BCAS3: variants seen among roughly 807,000 people sequenced by gnomAD.
BCAS3 encodes BCAS4/BCAS3 fusion.
BCAS3 carries 53 observed loss-of-function variants against 116.1 expected under a neutral mutation model. The ratio of observed to expected loss-of-function variants is 0.46; its 90% CI spans 0.37 to 0.57. The LOEUF is 0.57. BCAS3 is among the 20% of genes least tolerant of loss of function. The pLI is 0.00. For missense variants in BCAS3, 917 were observed against 1,165.4 expected (o/e 0.79, Z 3.10); for synonymous variants, 391 against 408.2 (o/e 0.96, Z 0.51).
chr17:60,744,597 A>T (rs1226031946), intron 5 of BCAS3, among the ~76,000 whole-genome samples: 1 of 152,152 alleles, frequency 6.6e-6, no homozygotes, highest in Non-Finnish European at 1.5e-5. Context: ...CTCACATAGG[A>T]TAGTTTAGAA....
At position 61,380,565 on chromosome 17, in the gene BCAS3, T is replaced by C; in HGVS notation, c.2594-11412T>C. On this transcript the variant is annotated intron_variant, in intron 23 of 23. Coordinates refer to ENST00000407086, the MANE Select transcript of BCAS3 (RefSeq NM_017679.5). The surrounding 1 kb of genome is among the most constrained non-coding windows in gnomAD (Gnocchi z 4.2). ...CCCTGAGAGACACGTGGCAGTGAAG[T>C]GTTTTGGTATGTAACGTCCTATCTT... The C allele has an allele frequency of 6.3e-7, 1 of 1,597,608 alleles. No individual in the cohort carries two copies. The highest frequency in any genetic ancestry group is 8.5e-7 in the Non-Finnish European group (1 of 1,179,206).
chr17:60,727,740 A>G (rs1568114987), intron 5 of BCAS3, among the ~76,000 whole-genome samples: 1 of 151,648 alleles, frequency 6.6e-6, no homozygotes, highest in Non-Finnish European at 1.5e-5. Context: ...ATGAACATAC[A>G]TTGATATATT....
intron 14 of BCAS3, among the ~76,000 whole-genome samples, chr17:60,982,189 G>GT (rs35601664): frequency 0.15 from 23,097 of 152,014 alleles, 5,555 homozygotes; most frequent in African/African-American, 0.51. Flanking sequence ...CTGTATTTAT[G>GT]TTCATTATTT....
At chr17:60,789,753 G>A (rs980956071) in intron 6 of BCAS3, among the ~76,000 whole-genome samples, 1 of 152,088 alleles carries the variant, frequency 6.6e-6, no homozygotes, top group Non-Finnish European at 1.5e-5. Context: ...TGTTATGGGA[G>A]GGTGATGACT....
intron 4 of BCAS3, among the ~76,000 whole-genome samples, chr17:60,692,876 C>G (rs556955599): frequency 1.3e-5 from 2 of 151,752 alleles, no homozygotes; most frequent in South Asian, 4.2e-4. Context: ...GCCTGGGCGA[C>G]AGAGAGATAT....
chr17:61,345,149 T>C (rs1215807603), intron 22 of BCAS3, among the ~76,000 whole-genome samples: 1 of 152,040 alleles, frequency 6.6e-6, no homozygotes, highest in Admixed American at 6.6e-5. Context: ...TCAAAAACTC[T>C]CCAGAATGTA....
chr17:60,840,586 G>A (rs2051812849), intron 7 of BCAS3, among the ~76,000 whole-genome samples: 1 of 152,002 alleles, frequency 6.6e-6, no homozygotes, highest in African/African-American at 2.4e-5. Context: ...TCATGTTTTG[G>A]CTCCTTTAGT....
At chr17:60,876,344 G>C (rs1349033732) in intron 9 of BCAS3, among the ~76,000 whole-genome samples, 1 of 151,780 alleles carries the variant, frequency 6.6e-6, no homozygotes, top group Non-Finnish European at 1.5e-5. Context: ...CTTTGTCTTC[G>C]TGACCAGAAT....
intron 12 of BCAS3, among the ~76,000 whole-genome samples, chr17:60,919,208 TG>T (rs973846828): frequency 1.3e-5 from 2 of 152,154 alleles, no homozygotes; most frequent in African/African-American, 2.4e-5. Context: ...ATACATTTTT[TG>T]GGGGGGTTAA....
chr17:61,382,618 T>G (rs7216762), intron 23 of BCAS3, among the ~76,000 whole-genome samples: 116,021 of 150,570 alleles, frequency 0.77, 49,169 homozygotes, highest in Non-Finnish European at 0.93. Flanking sequence ...ATTGCACCAC[T>G]GCACTCCAGC....
chr17:60,685,876 A>G (rs76066853), intron 3 of BCAS3, among the ~76,000 whole-genome samples: 17 of 146,142 alleles, frequency 1.2e-4, no homozygotes, highest in Non-Finnish European at 1.5e-5. Flanking sequence ...TATATTAGAC[A>G]TTTTTTTTTT....
rs2143646178 is a variant in BCAS3 at position 61,098,821 on chromosome 17, T to C, written c.2425+14257T>C. ...TGGATCCTGATTGTTCTGTTACTGC[T>C]TGGCTTAAGATACCCCTGGATGGGC... On this transcript the variant is annotated intron_variant, in intron 22 of 23. Transcript: ENST00000407086. This position sits in a 1 kb window ranked among gnomAD's most constrained non-coding sequence, Gnocchi z 4.2. Among the ~76,000 whole-genome samples the C allele has an allele frequency of 6.6e-6, 1 of 152,230 alleles. No individual in the cohort carries two copies. The highest frequency in any genetic ancestry group is 2.4e-5 in the African/African-American group (1 of 41,548).
At chr17:61,295,396 AC>A in intron 22 of BCAS3, among the ~76,000 whole-genome samples, 1 of 152,300 alleles carries the variant, frequency 6.6e-6, no homozygotes, top group Middle Eastern at 3.4e-3. Context: ...TGAGCAGAGA[AC>A]CCCTGTCTCT....
intron 22 of BCAS3, among the ~76,000 whole-genome samples, chr17:61,157,147 T>A (rs1035582210): frequency 5.9e-5 from 9 of 152,188 alleles, no homozygotes; most frequent in African/African-American, 2.2e-4. Flanking sequence ...GGGAAATAAC[T>A]CTGATTGATT....
chr17:61,146,558 T>C lies in BCAS3; in HGVS notation c.2425+61994T>C, dbSNP rs554649636. On this transcript the variant is annotated intron_variant, in intron 22 of 23. Coordinates refer to ENST00000407086, the MANE Select transcript of BCAS3 (RefSeq NM_017679.5). ...CCCTCAAATATCTAAAACAACCTAA[T>C]CAAATTGGTAGTTTTCATGGCTTTC... is the stretch of plus-strand genomic sequence containing the variant. 9.8e-5 allele frequency among the ~76,000 whole-genome samples: 15 copies of C among 152,294 alleles called. No individual in the cohort carries two copies. The South Asian group carries it at 3.1e-3, about 32-fold the overall frequency.
chr17:61,219,874 C>A lies in BCAS3; in HGVS notation c.2425+135310C>A, dbSNP rs1172172422. On this transcript the variant is annotated intron_variant, in intron 22 of 23. Transcript: ENST00000407086. This position sits in a 1 kb window ranked among gnomAD's most constrained non-coding sequence, Gnocchi z 5.2. The stretch of plus-strand genomic sequence containing the variant: ...TCTTTTAAGGACGTTTTTTTCCCAT[C>A]CTGTTTGGGGTAGGAAAAACAAGGC... Among the ~76,000 whole-genome samples, 1 of 152,056 alleles carries A rather than the reference C, an allele frequency of 6.6e-6. No individual in the cohort carries two copies. Among genetic ancestry groups the A allele is most frequent in the African/African-American group, 2.4e-5 (1 of 41,398 alleles).
rs1415944472 is a variant in BCAS3 at position 61,145,458 on chromosome 17, A to T, written c.2425+60894A>T. ...AGGGAGTGGGGGCTGGGGGAGGACC[A>T]TTGGGAGAATGTTCTGAGGAGAAGA... On this transcript the variant is annotated intron_variant, in intron 22 of 23. Coordinates refer to ENST00000407086, the MANE Select transcript of BCAS3 (RefSeq NM_017679.5). This position sits in a 1 kb window ranked among gnomAD's most constrained non-coding sequence, Gnocchi z 5.0. Among the ~76,000 whole-genome samples the T allele has an allele frequency of 6.6e-6, 1 of 152,100 alleles. No homozygotes were observed. The highest frequency in any genetic ancestry group is 1.5e-5 in the Non-Finnish European group (1 of 67,994).
chr17:61,110,939 A>G (rs2075045179), intron 22 of BCAS3, among the ~76,000 whole-genome samples: 1 of 152,224 alleles, frequency 6.6e-6, no homozygotes, highest in Admixed American at 6.5e-5. Context: ...CTGACCCCTC[A>G]GCAGCCTAAC....
At chr17:60,886,417 G>C (rs935511934) in intron 9 of BCAS3, 1 of 151,878 alleles carries the variant, frequency 6.6e-6, no homozygotes, top group Non-Finnish European at 1.5e-5. Context: ...AGAGTAATTC[G>C]ATCGTCTGAA....
Sources: allele counts gnomAD v4.1 joint callset (sites outside exome capture counted in the v4.1 genomes callset), GRCh38; gene constraint gnomAD v4.1.1; non-coding constraint Gnocchi (gnomAD v3.1); transcripts MANE v1.5; gene names NCBI Gene and HGNC (gene_info 2026-07-23, HGNC 2026-07-21).